Variants in NEGR1 observed in about 807,000 individuals in gnomAD.
NEGR1 encodes IgLON family member 4.
A neutral mutation model predicts 40.9 loss-of-function variants in NEGR1; 10 were observed. The observed-to-expected ratio is 0.24, with a 90% CI of 0.15 to 0.42. The LOEUF is 0.42. Among genes scored for constraint, NEGR1 ranks in the 10% least tolerant of loss-of-function variants. NEGR1 has a pLI of 1.00. For synonymous variants in NEGR1, 185 were observed against 166.8 expected, an observed-to-expected ratio of 1.11 and a Z score of -0.84; for missense variants, 352 against 438.9, an observed-to-expected ratio of 0.80 and a Z score of 1.77.
intron 6 of NEGR1, among the ~76,000 whole-genome samples, chr1:71,499,076 C>A (rs1646983220): frequency 6.6e-6 from 1 of 152,110 alleles, no homozygotes; most frequent in Non-Finnish European, 1.5e-5. Flanking sequence ...CATTTTCTCT[C>A]TTTTTAAAAA....
chr1:71,607,124 T>C (rs560171844), intron 5 of NEGR1, among the ~76,000 whole-genome samples: 1 of 152,320 alleles, frequency 6.6e-6, no homozygotes, highest in South Asian at 2.1e-4. Context: ...CTTGCAGAAA[T>C]AAACTCTGTT....
intron 6 of NEGR1, among the ~76,000 whole-genome samples, chr1:71,525,549 G>A (rs1168026079): frequency 6.6e-6 from 1 of 151,628 alleles, no homozygotes; most frequent in Non-Finnish European, 1.5e-5. Context: ...TATGCAGTGA[G>A]TTCAGTTCTT....
chr1:71,980,310 G>A (rs1188948549), intron 1 of NEGR1, among the ~76,000 whole-genome samples: 2 of 152,032 alleles, frequency 1.3e-5, no homozygotes, highest in African/African-American at 4.8e-5. Context: ...TTATTATTTG[G>A]CAACACAGTG....
chr1:72,011,914 G>C (rs1489500472), intron 1 of NEGR1, among the ~76,000 whole-genome samples: 1 of 152,082 alleles, frequency 6.6e-6, no homozygotes, highest in Non-Finnish European at 1.5e-5. Context: ...GAAGTACATG[G>C]AAGCTTTGAA....
chr1:71,960,395 A>G (rs1646155517), intron 1 of NEGR1, among the ~76,000 whole-genome samples: 1 of 152,200 alleles, frequency 6.6e-6, no homozygotes, highest in Admixed American at 6.6e-5. Flanking sequence ...TGGTCAAGAT[A>G]TAACAAGGTA....
chr1:71,614,028 T>C (rs1367355886), intron 4 of NEGR1, among the ~76,000 whole-genome samples: 1 of 152,110 alleles, frequency 6.6e-6, no homozygotes, highest in African/African-American at 2.4e-5. Context: ...TACATCATTT[T>C]CTGTTAAGGG....
chr1:71,799,902 C>T (rs562014568), intron 2 of NEGR1, among the ~76,000 whole-genome samples: 13 of 152,078 alleles, frequency 8.5e-5, no homozygotes, highest in African/African-American at 2.7e-4. Context: ...TTAGTAGAGA[C>T]GGGGTTTCAC....
At chr1:71,704,163 TCACACA>T (rs3077140) in intron 3 of NEGR1, among the ~76,000 whole-genome samples, 5,372 of 142,158 alleles carry the variant, frequency 0.038, 236 homozygotes, top group African/African-American at 0.12. Context: ...TCTCTCTCTG[TCACACA>T]CACACACACA....
chr1:71,981,310 C>T (rs147688682), intron 1 of NEGR1, among the ~76,000 whole-genome samples: 70 of 152,182 alleles, frequency 4.6e-4, no homozygotes, highest in African/African-American at 1.6e-3. Context: ...ATGATTAAAG[C>T]AGAGGATACA....
intron 5 of NEGR1, 86 bp from the exon 6 acceptor site, chr1:71,593,054 C>CCCAG: frequency 2.3e-6 from 2 of 865,464 alleles, no homozygotes; most frequent in Non-Finnish European, 3.7e-6. Flanking sequence ...TCATGGCAAC[C>CCCAG]CATAGACAAT....
chr1:71,506,304 A>G (rs1453021047), intron 6 of NEGR1, among the ~76,000 whole-genome samples: 2 of 152,114 alleles, frequency 1.3e-5, no homozygotes, highest in Non-Finnish European at 2.9e-5. Context: ...ATCTGTTCGT[A>G]ACAGTAGACC....
chr1:71,996,596 G>A (rs1483968616), intron 1 of NEGR1, among the ~76,000 whole-genome samples: 1 of 151,940 alleles, frequency 6.6e-6, no homozygotes, highest in African/African-American at 2.4e-5. Context: ...TCCCTTCAGG[G>A]AGCTCTCTTC....
chr1:71,641,789 G>C (rs1371904802), intron 4 of NEGR1, among the ~76,000 whole-genome samples: 1 of 152,004 alleles, frequency 6.6e-6, no homozygotes, highest in Non-Finnish European at 1.5e-5. Flanking sequence ...TGTTTCAGCA[G>C]CACACGGCCC....
In NEGR1 at chr1:71,627,712, G is replaced by T. The variant is rs183446460; in HGVS notation, c.668-16566C>A. 1.5e-4 allele frequency among the ~76,000 whole-genome samples: 23 copies of T among 152,126 alleles called. No homozygotes were observed. In the East Asian group the frequency reaches 4.3e-3, roughly 28 times the overall value. ...GAGAGTCAGTATTTTCCAAGGAATT[G>T]TCCAGACTATTACTTGGAGTAGAGT... is the stretch of plus-strand genomic sequence containing the variant. On this transcript the variant is annotated intron_variant, in intron 4 of 6. Transcript: ENST00000357731.
At chr1:71,829,163 T>C (rs1404930167) in intron 2 of NEGR1, among the ~76,000 whole-genome samples, 1 of 151,990 alleles carries the variant, frequency 6.6e-6, no homozygotes, top group Non-Finnish European at 1.5e-5. Context: ...TTGGCTATTA[T>C]ATGAAATCAA....
At position 71,540,316 on chromosome 1, in the gene NEGR1, C is replaced by CTGAT. The variant is rs1186682708; in HGVS notation, c.940+52497_940+52500dup. Among the ~76,000 whole-genome samples, 3 of 151,756 alleles carry CTGAT rather than the reference C, an allele frequency of 2.0e-5. No homozygotes were observed. The East Asian group carries it at 5.9e-4, about 30-fold the overall frequency. ...GGATACAACAAGAATCCAACAGAAA[C>CTGAT]TGATAGGTTTATAAAAGTCCATTGT... On this transcript the variant is annotated intron_variant, in intron 6 of 6. Transcript: ENST00000357731.
In NEGR1 at chr1:71,397,200, G is replaced by A. The variant is rs979626406; in HGVS notation, c.*10246C>T. 2 of 152,528 alleles carry A rather than the reference G, an allele frequency of 1.3e-5. No individual in the cohort carries two copies. The highest frequency in any genetic ancestry group is 2.9e-5 in the Non-Finnish European group (2 of 68,318). 9.4% of individuals were successfully genotyped at this position (152,528 alleles called of 1,614,324 possible). A position where few individuals can be genotyped will look rare whatever the true frequency, so the allele number is the denominator to read the frequency against. ...AAGAGATGGGTAGCATTTTGCCCTTGCCCTAGAGATGTGTAGAACTTTGAA... is the reference window on the plus strand; with the variant it reads ...AAGAGATGGGTAGCATTTTGCCCTTACCCTAGAGATGTGTAGAACTTTGAA... On this transcript the variant is annotated 3_prime_UTR_variant, in exon 7 of 7. Coordinates refer to ENST00000357731, the MANE Select transcript of NEGR1 (RefSeq NM_173808.3).
intron 2 of NEGR1, among the ~76,000 whole-genome samples, chr1:71,837,990 G>A (rs1659103929): frequency 6.6e-6 from 1 of 152,004 alleles, no homozygotes. Context: ...CTGACAAAAT[G>A]TATTTTTCTA....
chr1:72,034,036 C>T (rs1646881848), intron 1 of NEGR1, among the ~76,000 whole-genome samples: 1 of 152,166 alleles, frequency 6.6e-6, no homozygotes, highest in East Asian at 1.9e-4. Flanking sequence ...ATCTCAGTTA[C>T]TGCAGGTATT....
Sources: gnomAD v4.1 joint callset for allele counts (sites outside exome capture counted in the v4.1 genomes callset) on GRCh38, gnomAD v4.1.1 for gene constraint, MANE v1.5 for transcripts, NCBI Gene and HGNC (gene_info 2026-07-23, HGNC 2026-07-21) for gene names.